Variants in MANEA observed in about 807,000 individuals in gnomAD.
The protein encoded by MANEA is mannosidase endo-alpha.
Under a neutral mutation model 36.8 loss-of-function variants are expected in MANEA, and 25 were observed. That is an observed-to-expected ratio of 0.68 (90% CI 0.50 to 0.95). The LOEUF is 0.95. Among genes scored for constraint, MANEA ranks in the 40% least tolerant of loss-of-function variants. The pLI is 0.00. For synonymous variants in MANEA, 198 were observed against 188.5 expected (o/e 1.05, Z -0.41); for missense variants, 565 against 558.8 (o/e 1.01, Z -0.11).
rs1769287324 is a variant in MANEA at position 95,586,626 on chromosome 6, A to C, written c.187A>C (p.Lys63Gln). 1 of 1,613,962 alleles carries C rather than the reference A, an allele frequency of 6.2e-7. No homozygotes were observed. The highest frequency in any genetic ancestry group is 1.1e-5 in the South Asian group (1 of 91,082). Residue 63 changes from lysine to glutamine, a missense_variant, in exon 2 of 5, where the codon AAG becomes CAG. Lys to Gln is a moderately conservative substitution (Grantham distance 53, BLOSUM62 1). Coordinates refer to ENST00000358812, the MANE Select transcript of MANEA (RefSeq NM_024641.4). ...IHLGKNFDFQ[K>Q]SDRINSETNT... The stretch of plus-strand genomic sequence containing the variant: ...TTTGGGGAAAAATTTTGATTTCCAA[A>C]AGAGTGACAGAATCAACAGTGAAAC...
chr6:95,579,752 A>AT, intron 1 of MANEA, among the ~76,000 whole-genome samples: 1 of 152,250 alleles, frequency 6.6e-6, no homozygotes, highest in Middle Eastern at 3.4e-3. Flanking sequence ...ATGTCCAATA[A>AT]TTTTTTATTA....
intron 3 of MANEA, among the ~76,000 whole-genome samples, chr6:95,598,496 T>C (rs1002583570): frequency 6.6e-6 from 1 of 152,164 alleles, no homozygotes; most frequent in African/African-American, 2.4e-5. Context: ...TATATGGGCC[T>C]CCAGCTTCAC....
Position 95,606,532 on chromosome 6 carries a change from T to C in MANEA, c.*127T>C, listed in dbSNP as rs188735649. 8.3e-6 allele frequency: 4 copies of C among 482,348 alleles called. No homozygotes were observed. The highest frequency in any genetic ancestry group is 7.3e-5 in the South Asian group (1 of 13,660). The allele number at this position is 482,348 out of a possible 1,614,324, so 29.9% of individuals were successfully genotyped here. A position where few individuals can be genotyped will look rare whatever the true frequency, so the allele number is the denominator to read the frequency against. On this transcript the variant is annotated 3_prime_UTR_variant, in exon 5 of 5. Coordinates refer to ENST00000358812, the MANE Select transcript of MANEA (RefSeq NM_024641.4). ...TTAGTTATATTTAAAAATATTTTTT[T>C]AAATTCTTTACAGATAATATTATAC...
chr6:95,604,421 T>C (rs1052888552), intron 3 of MANEA, among the ~76,000 whole-genome samples: 2 of 151,846 alleles, frequency 1.3e-5, no homozygotes, highest in African/African-American at 4.8e-5. Context: ...TACAAATATG[T>C]AAGAAACATT....
At chr6:95,601,736 T>TTTTTTTTTTTTTTTG (rs1769597036) in intron 3 of MANEA, among the ~76,000 whole-genome samples, 1 of 146,420 alleles carries the variant, frequency 6.8e-6, no homozygotes, top group African/African-American at 2.5e-5. Context: ...TTTTTTTTTT[T>TTTTTTTTTTTTTTTG]TTTTTTTTGC....
At chr6:95,597,643 G>C (rs950234029) in intron 3 of MANEA, among the ~76,000 whole-genome samples, 2 of 151,890 alleles carry the variant, frequency 1.3e-5, no homozygotes, top group Non-Finnish European at 2.9e-5. Flanking sequence ...AAACCATTTA[G>C]AAAGTATAAA....
chr6:95,585,056 C>T (rs1013438630), intron 1 of MANEA, among the ~76,000 whole-genome samples: 1 of 152,004 alleles, frequency 6.6e-6, no homozygotes, highest in African/African-American at 2.4e-5. Context: ...TGCCAAATAC[C>T]TTTCTAATAA....
At chr6:95,579,753 T>C (rs994945567) in intron 1 of MANEA, among the ~76,000 whole-genome samples, 1 of 152,156 alleles carries the variant, frequency 6.6e-6, no homozygotes, top group Admixed American at 6.5e-5. Context: ...TGTCCAATAA[T>C]TTTTTATTAG....
chr6:95,587,918 A>G (rs1256621196), intron 2 of MANEA, among the ~76,000 whole-genome samples: 2 of 150,978 alleles, frequency 1.3e-5, no homozygotes. Flanking sequence ...ATTCTGTTTT[A>G]TATTTTCTTC....
intron 2 of MANEA, among the ~76,000 whole-genome samples, chr6:95,591,432 C>T (rs899944649): frequency 6.6e-6 from 1 of 151,832 alleles, no homozygotes; most frequent in African/African-American, 2.4e-5. Context: ...TTCATGGTTT[C>T]TGATGAGTAG....
chr6:95,585,338 C>A (rs1019262327), intron 1 of MANEA, among the ~76,000 whole-genome samples: 2 of 152,152 alleles, frequency 1.3e-5, no homozygotes, highest in Non-Finnish European at 2.9e-5. Context: ...GAGACGTTTT[C>A]TTGCACTGTC....
At chr6:95,587,946 T>A (rs1769318739) in intron 2 of MANEA, among the ~76,000 whole-genome samples, 1 of 152,104 alleles carries the variant, frequency 6.6e-6, no homozygotes, top group South Asian at 2.1e-4. Context: ...TGTTATTCAT[T>A]TGTTTTATTT....
At chr6:95,584,215 A>G (rs1769236365) in intron 1 of MANEA, among the ~76,000 whole-genome samples, 1 of 152,182 alleles carries the variant, frequency 6.6e-6, no homozygotes, top group Non-Finnish European at 1.5e-5. Flanking sequence ...ACAGAGTAAC[A>G]GCGATTTTTA....
At chr6:95,589,816 G>A (rs911825142) in intron 2 of MANEA, among the ~76,000 whole-genome samples, 3 of 151,942 alleles carry the variant, frequency 2.0e-5, no homozygotes, top group Admixed American at 6.6e-5. Context: ...TATTTTATTT[G>A]GCAAAAGGGG....
At chr6:95,593,389 C>T (rs1769422532) in intron 2 of MANEA, among the ~76,000 whole-genome samples, 1 of 152,152 alleles carries the variant, frequency 6.6e-6, no homozygotes, top group Non-Finnish European at 1.5e-5. Flanking sequence ...GAAGAAAGAA[C>T]ATTCCTCCAA....
rs2127946564 is a variant in MANEA at position 95,606,769 on chromosome 6, T to C, written c.*364T>C. 1 of 153,624 alleles carries C rather than the reference T, an allele frequency of 6.5e-6. No individual in the cohort carries two copies. The highest frequency in any genetic ancestry group is 2.4e-5 in the African/African-American group (1 of 41,580). The allele number at this position is 153,624 out of a possible 1,614,324, so 9.5% of individuals were successfully genotyped here. ...TATTTACATCCTAGACCCAAATAAA[T>C]AGGATTGTGTGTATATTTGGGATAT... On this transcript the variant is annotated 3_prime_UTR_variant, in exon 5 of 5. Coordinates refer to ENST00000358812, the MANE Select transcript of MANEA (RefSeq NM_024641.4).
At chr6:95,600,459 T>C (rs970694601) in intron 3 of MANEA, among the ~76,000 whole-genome samples, 2 of 152,224 alleles carry the variant, frequency 1.3e-5, no homozygotes, top group African/African-American at 4.8e-5. Context: ...ATAGTTTTAT[T>C]GGATTTGTCT....
rs926627043 is a variant in MANEA, at chr6:95,605,616, C to A, written c.732-132C>A. 3.8e-5 allele frequency: 24 copies of A among 633,808 alleles called. 1 individual carries two copies. The African/African-American group carries it at 3.9e-4, about 10-fold the overall frequency. The allele number at this position is 633,808 out of a possible 1,614,324, so 39.3% of individuals were successfully genotyped here. On this transcript the variant is annotated intron_variant, in intron 4 of 4. Coordinates refer to ENST00000358812, the MANE Select transcript of MANEA (RefSeq NM_024641.4). ...TGCATTTTTAATTATTACACTTACACAACTGATTCCCCTAAGAAATGGAGC... is the reference window on the plus strand; with the variant it reads ...TGCATTTTTAATTATTACACTTACAAAACTGATTCCCCTAAGAAATGGAGC...
chr6:95,594,811 C>T (rs1352321365), intron 2 of MANEA, among the ~76,000 whole-genome samples: 1 of 152,178 alleles, frequency 6.6e-6, no homozygotes, highest in Non-Finnish European at 1.5e-5. Flanking sequence ...GTTTAATTCA[C>T]TGCTTTTGAG....
Sources: gnomAD v4.1 joint callset for allele counts (sites outside exome capture counted in the v4.1 genomes callset) on GRCh38, gnomAD v4.1.1 for gene constraint, MANE v1.5 for transcripts, NCBI Gene and HGNC (gene_info 2026-07-23, HGNC 2026-07-21) for gene names.